The following ATP6V1H variants were observed in gnomAD, a reference collection of about 807,000 sequenced individuals.
ATP6V1H encodes the protein V-type proton ATPase subunit H.
ATP6V1H carries 39 observed loss-of-function variants against 71.7 expected under a neutral mutation model. The observed-to-expected ratio is 0.54, with a 90% CI of 0.42 to 0.71. The LOEUF (loss-of-function observed/expected upper bound fraction) is 0.71, where lower values mean the gene tolerates loss of function less well. Ranked by LOEUF, ATP6V1H falls within the 30% of genes least tolerant of loss-of-function variation. The pLI is 0.00. For missense variants in ATP6V1H, 509 were observed against 594.9 expected (o/e 0.86, Z 1.50); for synonymous variants, 192 against 199.3 (o/e 0.96, Z 0.31).
intron 2 of ATP6V1H, among the ~76,000 whole-genome samples, chr8:53,837,143 TA>T (rs879911885): frequency 1.6e-3 from 225 of 138,042 alleles, no homozygotes; most frequent in African/African-American, 1.9e-3. Flanking sequence ...CTCCATCTCA[TA>T]AAAAAAAAAA....
At chr8:53,833,190 A>C in intron 2 of ATP6V1H, 104 bp from the exon 3 acceptor site, 1 of 820,846 alleles carries the variant, frequency 1.2e-6, no homozygotes. Flanking sequence ...AGCAAACCAC[A>C]AGGGCTGACG....
rs144863930 is a variant in ATP6V1H, at chr8:53,743,872, G to T, written c.1278-182C>A. Among the ~76,000 whole-genome samples the T allele has an allele frequency of 2.3e-3, 347 of 152,110 alleles. 2 individuals are homozygous for T. The highest frequency in any genetic ancestry group is 8.1e-3 in the African/African-American group (336 of 41,496). ...AGATTTACAGTATTCAAATACTTTC[G>T]TTTTTGAATTCCTAATGATAAATCC... On this transcript the variant is annotated intron_variant, in intron 12 of 13. Coordinates refer to ENST00000359530, the MANE Select transcript of ATP6V1H (RefSeq NM_015941.4).
intron 10 of ATP6V1H, among the ~76,000 whole-genome samples, chr8:53,770,582 A>C (rs1780496324): frequency 6.6e-6 from 1 of 152,236 alleles, no homozygotes; most frequent in South Asian, 2.1e-4. Flanking sequence ...AGGGCCAGTT[A>C]GTATAAGAAG....
At chr8:53,779,899 C>T (rs1436473002) in intron 9 of ATP6V1H, among the ~76,000 whole-genome samples, 1 of 152,092 alleles carries the variant, frequency 6.6e-6, no homozygotes, top group East Asian at 1.9e-4. Context: ...TGGCTCACAC[C>T]TATAATTCCA....
In ATP6V1H at chr8:53,795,856, C is replaced by CA. The variant is rs745465778; in HGVS notation, c.678-18dup. ...CCCATTATGCTGAAAAACAAACAAACAAAAAAAACACATTTACAAAACATT... is the reference window on the plus strand; with the variant it reads ...CCCATTATGCTGAAAAACAAACAAACAAAAAAAAACACATTTACAAAACATT... On this transcript the variant is annotated splice_polypyrimidine_tract_variant and intron_variant, in intron 8 of 13. Transcript: ENST00000359530. 145 of 1,566,102 alleles carry CA rather than the reference C, an allele frequency of 9.3e-5. No individual in the cohort carries two copies. Among genetic ancestry groups the CA allele is most frequent in the East Asian group, 5.0e-4 (22 of 44,370 alleles).
At chr8:53,814,981 G>T (rs1810398619) in intron 5 of ATP6V1H, among the ~76,000 whole-genome samples, 1 of 151,932 alleles carries the variant, frequency 6.6e-6, no homozygotes, top group Admixed American at 6.6e-5. Flanking sequence ...ACCCAAATTA[G>T]CTGGGTCTTA....
intron 12 of ATP6V1H, among the ~76,000 whole-genome samples, chr8:53,752,261 T>C (rs560709973): frequency 6.6e-6 from 1 of 152,344 alleles, no homozygotes; most frequent in African/African-American, 2.4e-5. Context: ...AAGAAATGCT[T>C]TTATATTACT....
At chr8:53,720,263 C>G (rs1421029118) in intron 13 of ATP6V1H, among the ~76,000 whole-genome samples, 1 of 152,120 alleles carries the variant, frequency 6.6e-6, no homozygotes, top group Non-Finnish European at 1.5e-5. Context: ...ATCTCAACAT[C>G]TCTGAAACTG....
chr8:53,818,541 T>C (rs1303238566), intron 4 of ATP6V1H, among the ~76,000 whole-genome samples: 1 of 152,162 alleles, frequency 6.6e-6, no homozygotes, highest in Non-Finnish European at 1.5e-5. Flanking sequence ...ATTGAAATAG[T>C]TGTGATAATG....
rs181014421 is a variant in ATP6V1H, at chr8:53,793,528, C to G, written c.870+2119G>C. Among the ~76,000 whole-genome samples, 336 of 151,914 alleles carry G rather than the reference C, an allele frequency of 2.2e-3. 2 individuals are homozygous for G. Among genetic ancestry groups the G allele is most frequent in the African/African-American group, 7.8e-3 (325 of 41,420 alleles). The stretch of plus-strand genomic sequence containing the variant: ...GGCTCGGTGGCATGCACCTATAGTC[C>G]CAGCTACTTGGGAGGCTGAGGCAGG... On this transcript the variant is annotated intron_variant, in intron 9 of 13. Transcript: ENST00000359530.
intron 8 of ATP6V1H, among the ~76,000 whole-genome samples, chr8:53,800,488 T>C (rs1402664279): frequency 6.6e-6 from 1 of 152,110 alleles, no homozygotes; most frequent in Admixed American, 6.6e-5. Flanking sequence ...AATGGTGAAA[T>C]GGGTCAAATA....
At chr8:53,755,106 A>G (rs1055845525) in intron 12 of ATP6V1H, among the ~76,000 whole-genome samples, 3 of 152,176 alleles carry the variant, frequency 2.0e-5, no homozygotes, top group South Asian at 2.1e-4. Flanking sequence ...CCAGCACTCA[A>G]TTAAACAGAA....
chr8:53,725,386 C>T (rs1050040290), intron 13 of ATP6V1H, among the ~76,000 whole-genome samples: 11 of 152,028 alleles, frequency 7.2e-5, no homozygotes, highest in African/African-American at 2.7e-4. Context: ...AACTCCATAA[C>T]TGTAAGAAAT....
rs1278649518 is a variant in ATP6V1H, at chr8:53,716,028, A to C, written c.1392-4T>G. 2 of 1,596,078 alleles carry C rather than the reference A, an allele frequency of 1.3e-6. No homozygotes were observed. The highest frequency in any genetic ancestry group is 1.7e-6 in the Non-Finnish European group (2 of 1,170,442). On this transcript the variant is annotated splice_region_variant and splice_polypyrimidine_tract_variant and intron_variant, in intron 13 of 13. Transcript: ENST00000359530. ...GAGCTGCTTGCCAAGGTATTCCCTG[A>C]AAAAAAAGAATGAAGTAAGGAGAAT...
chr8:53,798,532 C>A (rs1809814819), intron 8 of ATP6V1H, among the ~76,000 whole-genome samples: 1 of 151,730 alleles, frequency 6.6e-6, no homozygotes, highest in Non-Finnish European at 1.5e-5. Context: ...AAAAAAAGAC[C>A]TCAGTTATCT....
chr8:53,755,719 TATATATATATATATATATATATA>T lies in ATP6V1H; in HGVS notation c.1277+813_1277+835del, dbSNP rs1563451144. On this transcript the variant is annotated intron_variant, in intron 12 of 13. Coordinates refer to ENST00000359530, the MANE Select transcript of ATP6V1H (RefSeq NM_015941.4). ...ATATATATATATATATATATATATA[TATATATATATATATATATATATA>T]TATTTTTTTTTTTTTTTTTTTTTTT... Among the ~76,000 whole-genome samples, 52 of 7,834 alleles carry T rather than the reference TATATATATATATATATATATATA, an allele frequency of 6.6e-3. 3 individuals are homozygous for T. The highest frequency in any genetic ancestry group is 8.6e-3 in the Non-Finnish European group (35 of 4,070). The allele number at this position is 7,834 out of a possible 152,430, so 5.1% of individuals were successfully genotyped here.
At chr8:53,822,163 T>C (rs924841970) in intron 4 of ATP6V1H, among the ~76,000 whole-genome samples, 3 of 152,158 alleles carry the variant, frequency 2.0e-5, no homozygotes, top group Non-Finnish European at 4.4e-5. Context: ...GTATGAAGAT[T>C]ACAGGAAAAA....
intron 9 of ATP6V1H, among the ~76,000 whole-genome samples, chr8:53,779,265 T>C (rs1035070522): frequency 1.3e-5 from 2 of 151,964 alleles, no homozygotes; most frequent in African/African-American, 4.8e-5. Context: ...ACATCCACTA[T>C]GACAGACTAT....
chr8:53,813,688 A>G (rs1018444905), intron 6 of ATP6V1H, among the ~76,000 whole-genome samples: 4 of 152,216 alleles, frequency 2.6e-5, no homozygotes, highest in African/African-American at 9.7e-5. Flanking sequence ...GCCATCATTC[A>G]TGTCCTATCT....
Sources: allele counts gnomAD v4.1 joint callset (sites outside exome capture counted in the v4.1 genomes callset), GRCh38; gene constraint gnomAD v4.1.1; transcripts MANE v1.5; gene names NCBI Gene and HGNC (gene_info 2026-07-23, HGNC 2026-07-21).